ZNF407: variants seen among roughly 807,000 people sequenced by gnomAD.
The protein encoded by ZNF407 is zinc finger protein 407.
Under a neutral mutation model 131.2 loss-of-function variants are expected in ZNF407, and 17 were observed. The ratio of observed to expected loss-of-function variants is 0.13; its 90% CI spans 0.09 to 0.19. ZNF407 has a LOEUF of 0.19. ZNF407 is among the 10% of genes least tolerant of loss of function. The pLI, the probability that ZNF407 is intolerant of heterozygous loss-of-function variation, is 1.00. For missense variants in ZNF407, 2,681 were observed against 2,830.6 expected (o/e 0.95, Z 1.20); for synonymous variants, 1,156 against 1,062.0 (o/e 1.09, Z -1.72).
chr18:74,902,610 C>T (rs1250414536), intron 7 of ZNF407, among the ~76,000 whole-genome samples: 4 of 152,118 alleles, frequency 2.6e-5, no homozygotes, highest in African/African-American at 9.7e-5. Context: ...GGTCCCTCAT[C>T]GTCAGTGACT....
At chr18:74,787,135 T>C (rs1330489641) in intron 4 of ZNF407, among the ~76,000 whole-genome samples, 1 of 152,120 alleles carries the variant, frequency 6.6e-6, no homozygotes, top group East Asian at 1.9e-4. Context: ...AGTGCGATAG[T>C]CCTGCTAGAT....
chr18:74,635,764 C>G lies in ZNF407; in HGVS notation c.4687+58C>G. ...GGACATGGGGCCATTTGTTCCCATC[C>G]AGATATGCAGCCCTACCTGTGGCTG... On this transcript the variant is annotated intron_variant, in intron 2 of 8. Coordinates refer to ENST00000299687, the MANE Select transcript of ZNF407 (RefSeq NM_017757.3). The surrounding 1 kb of genome is among the most constrained non-coding windows in gnomAD (Gnocchi z 4.7). 6.6e-7 allele frequency: 1 copy of G among 1,521,124 alleles called. No homozygotes were observed. Among genetic ancestry groups the G allele is most frequent in the Admixed American group, 2.2e-5 (1 of 45,490 alleles). 94.2% of individuals were successfully genotyped at this position (1,521,124 alleles called of 1,614,324 possible). A position where few individuals can be genotyped will look rare whatever the true frequency, so the allele number is the denominator to read the frequency against.
intron 3 of ZNF407, among the ~76,000 whole-genome samples, chr18:74,657,179 A>T (rs183755434): frequency 7.9e-5 from 12 of 151,070 alleles, no homozygotes; most frequent in Admixed American, 7.9e-4. Flanking sequence ...TGGAAGGCAC[A>T]GTTTTCTTGA....
chr18:74,694,326 TGAA>T (rs1288156439), intron 3 of ZNF407, among the ~76,000 whole-genome samples: 1 of 152,174 alleles, frequency 6.6e-6, no homozygotes, highest in Non-Finnish European at 1.5e-5. Context: ...TTCAGGTGTG[TGAA>T]GAAGAAGAAT....
At chr18:74,971,319 C>T (rs118003536) in intron 8 of ZNF407, among the ~76,000 whole-genome samples, 3,793 of 152,328 alleles carry the variant, frequency 0.025, 76 homozygotes, top group Middle Eastern at 0.12. Context: ...TGAATTTCTC[C>T]CAGAAAGTGG....
At chr18:74,662,180 A>G (rs932505899) in intron 3 of ZNF407, among the ~76,000 whole-genome samples, 1 of 151,980 alleles carries the variant, frequency 6.6e-6, no homozygotes, top group Non-Finnish European at 1.5e-5. Context: ...TGTTTGCTGC[A>G]TGCTTCTCAC....
chr18:74,755,665 G>A (rs1304581332), intron 3 of ZNF407, among the ~76,000 whole-genome samples: 13 of 142,430 alleles, frequency 9.1e-5, no homozygotes, highest in African/African-American at 3.2e-4. Flanking sequence ...CTCAGCTCAC[G>A]GCAACCTCTG....
At chr18:74,847,715 T>G (rs2554110) in intron 4 of ZNF407, among the ~76,000 whole-genome samples, 149,660 of 152,298 alleles carry the variant, frequency 0.98, 73,598 homozygotes, top group East Asian at 1. Flanking sequence ...GCTGTCAGCA[T>G]ATTGCAGTGT....
At chr18:74,911,690 A>G (rs1295941126) in intron 7 of ZNF407, among the ~76,000 whole-genome samples, 2 of 152,156 alleles carry the variant, frequency 1.3e-5, no homozygotes, top group Admixed American at 6.5e-5. Flanking sequence ...TATTATTTTC[A>G]ATGAATCTTT....
At chr18:74,824,338 C>T (rs1326608863) in intron 4 of ZNF407, among the ~76,000 whole-genome samples, 2 of 151,976 alleles carry the variant, frequency 1.3e-5, no homozygotes, top group Non-Finnish European at 2.9e-5. Context: ...CAAAAGCTAG[C>T]GGAAGACAAG....
At chr18:74,731,206 TGGAA>T (rs1202640658) in intron 3 of ZNF407, among the ~76,000 whole-genome samples, 1 of 152,196 alleles carries the variant, frequency 6.6e-6, no homozygotes, top group Non-Finnish European at 1.5e-5. Flanking sequence ...TCAGTGTAAG[TGGAA>T]CTGTATAATA....
chr18:74,792,723 ATTTC>A (rs1969848981), intron 4 of ZNF407, among the ~76,000 whole-genome samples: 1 of 152,068 alleles, frequency 6.6e-6, no homozygotes, highest in Non-Finnish European at 1.5e-5. Context: ...TTTCAAACTA[ATTTC>A]TTTATTGTTG....
chr18:74,721,401 G>A (rs1327113919), intron 3 of ZNF407, among the ~76,000 whole-genome samples: 1 of 152,094 alleles, frequency 6.6e-6, no homozygotes, highest in Non-Finnish European at 1.5e-5. Context: ...AGGCAACTAG[G>A]CAAGAGAGAA....
At chr18:74,683,837 ACTTGTAATTAGG>A (rs1354092966) in intron 3 of ZNF407, among the ~76,000 whole-genome samples, 1 of 152,244 alleles carries the variant, frequency 6.6e-6, no homozygotes, top group Non-Finnish European at 1.5e-5. Context: ...AGCTATAATT[ACTTGTAATTAGG>A]CTTCAGAATT....
intron 7 of ZNF407, among the ~76,000 whole-genome samples, chr18:74,901,568 G>A (rs944817866): frequency 6.6e-6 from 1 of 152,240 alleles, no homozygotes; most frequent in Non-Finnish European, 1.5e-5. Context: ...AAGACACAGA[G>A]TGGGAGTGGC....
intron 6 of ZNF407, among the ~76,000 whole-genome samples, chr18:74,883,521 T>G (rs774188453): frequency 2.0e-5 from 3 of 152,208 alleles, no homozygotes; most frequent in Non-Finnish European, 4.4e-5. Flanking sequence ...CAATACAGAC[T>G]GTCCAGGGGG....
intron 4 of ZNF407, among the ~76,000 whole-genome samples, chr18:74,867,646 A>G (rs1163749214): frequency 6.6e-6 from 1 of 152,212 alleles, no homozygotes; most frequent in Non-Finnish European, 1.5e-5. Context: ...TTATGAAACC[A>G]TCGGGTTTAT....
intron 4 of ZNF407, among the ~76,000 whole-genome samples, chr18:74,788,512 C>CAAGGA (rs1165601310): frequency 6.6e-6 from 1 of 151,132 alleles, no homozygotes; most frequent in Non-Finnish European, 1.5e-5. Context: ...CAAGTACTCC[C>CAAGGA]AAGGAAAGGA....
chr18:75,063,798 A>G lies in ZNF407; in HGVS notation c.6077A>G (p.Gln2026Arg), dbSNP rs202203566. Residue 2026 changes from glutamine to arginine, a missense_variant, in exon 9 of 9, where the codon CAG (glutamine) becomes CGG (arginine). By Grantham distance (43) the Gln-to-Arg change is conservative. Around this residue, in one of 6 missense-constraint regions of ZNF407, gnomAD observed 620 missense variants for 583.1 expected, o/e 1.06. Coordinates refer to ENST00000299687, the MANE Select transcript of ZNF407 (RefSeq NM_017757.3). This position sits in a 1 kb window ranked among gnomAD's most constrained non-coding sequence, Gnocchi z 6.6. ...AKDVLIQLPG[Q>R]EVSHVAADPE... Reference sequence around the variant, plus strand: ...GACGTGCTGATCCAGCTGCCCGGGCAGGAGGTCTCCCATGTGGCTGCCGAC... The same window carrying G: ...GACGTGCTGATCCAGCTGCCCGGGCGGGAGGTCTCCCATGTGGCTGCCGAC... 1,597 of 1,609,040 alleles carry G rather than the reference A, an allele frequency of 9.9e-4. 3 individuals carry two copies. The highest frequency in any genetic ancestry group is 1.3e-3 in the Non-Finnish European group (1,477 of 1,179,666).
Sources: allele counts gnomAD v4.1 joint callset (sites outside exome capture counted in the v4.1 genomes callset), GRCh38; gene constraint gnomAD v4.1.1; regional missense constraint gnomAD v4.1.1; non-coding constraint Gnocchi (gnomAD v3.1); transcripts MANE v1.5; gene names NCBI Gene and HGNC (gene_info 2026-07-23, HGNC 2026-07-21).